Variants in PLA2G7 observed in about 807,000 individuals in gnomAD.
PLA2G7 encodes the protein phospholipase A2 group VII.
In PLA2G7, 63 loss-of-function variants were observed where a neutral mutation model predicts 49.6. That is an observed-to-expected ratio of 1.27 (90% CI 1.04 to 1.57). PLA2G7 has a LOEUF of 1.57. PLA2G7 is among the 40% of genes most tolerant of loss of function. The pLI is 0.00. For missense variants in PLA2G7, 596 were observed against 521.2 expected (o/e 1.14, Z -1.40); for synonymous variants, 193 against 169.9 (o/e 1.14, Z -1.06).
At position 46,711,544 on chromosome 6, in the gene PLA2G7, G is replaced by A. The variant is rs1158649115; in HGVS notation, c.615C>T (p.Tyr205=). 7 of 1,613,634 alleles carry A rather than the reference G, an allele frequency of 4.3e-6. No individual in the cohort carries two copies. Among genetic ancestry groups the A allele is most frequent in the Non-Finnish European group, 5.9e-6 (7 of 1,179,616 alleles). The change falls in exon 7 of 12, where the codon TAC becomes TAT. Residue 205 remains tyrosine (Y), a synonymous_variant. Transcript: ENST00000274793. The stretch of plus-strand genomic sequence containing the variant: ...CCTCCTCTTGTTTCAGGGTTCTAAG[G>A]TAGAGCCAAGACTTGTCCCCTATTT... The part of the protein sequence containing the change: ...AAEIGDKSWL[Y]LRTLKQEEET...
chr6:46,712,422 C>T (rs1765059475), intron 5 of PLA2G7, 85 bp from the exon 6 acceptor site: 2 of 948,610 alleles, frequency 2.1e-6, no homozygotes, highest in Non-Finnish European at 3.4e-6. Flanking sequence ...AACATGGAGG[C>T]CATTACACCC....
In PLA2G7 at chr6:46,711,575, G is replaced by A. The variant is rs779213468; in HGVS notation, c.584C>T (p.Ala195Val). Residue 195 changes from alanine to valine, a missense_variant, in exon 7 of 12, where the codon GCT becomes GTT. By Grantham distance (64) the Ala-to-Val change is moderately conservative (BLOSUM62 0). Transcript: ENST00000274793. ...SATYYFKDQS[A>V]AEIGDKSWLY... is the part of the protein sequence containing the mutation. ...CCAAGACTTGTCCCCTATTTCTGCAGCAGATTGGTCCTTGAAATAGTAAGT... is the reference window on the plus strand; with the variant it reads ...CCAAGACTTGTCCCCTATTTCTGCAACAGATTGGTCCTTGAAATAGTAAGT... 30 of 1,613,344 alleles carry A rather than the reference G, an allele frequency of 1.9e-5. No homozygotes were observed. In the Admixed American group the frequency reaches 4.2e-4, roughly 22 times the overall value.
At chr6:46,714,876 C>G (rs1311021516) in intron 4 of PLA2G7, among the ~76,000 whole-genome samples, 1 of 151,344 alleles carries the variant, frequency 6.6e-6, no homozygotes, top group Non-Finnish European at 1.5e-5. Flanking sequence ...GCTGAGATTA[C>G]AAGCATGCGC....
At position 46,722,765 on chromosome 6, in the gene PLA2G7, A is replaced by C; in HGVS notation, c.109+18T>G. 2 of 1,490,722 alleles carry C rather than the reference A, an allele frequency of 1.3e-6. No individual in the cohort carries two copies. The highest frequency in any genetic ancestry group is 1.9e-6 in the Non-Finnish European group (2 of 1,067,380). 92.3% of individuals were successfully genotyped at this position (1,490,722 alleles called of 1,614,324 possible). ...GACAGATCAGTTGCTCAAGACCTTGAACAAATACACCTCTTACCTGATGAT... is the reference window on the plus strand; with the variant it reads ...GACAGATCAGTTGCTCAAGACCTTGCACAAATACACCTCTTACCTGATGAT... On this transcript the variant is annotated intron_variant, in intron 2 of 11. Transcript: ENST00000274793.
At chr6:46,730,827 C>T (rs1391720083) in intron 1 of PLA2G7, among the ~76,000 whole-genome samples, 1 of 152,186 alleles carries the variant, frequency 6.6e-6, no homozygotes, top group Non-Finnish European at 1.5e-5. Context: ...GATACCCAAA[C>T]ACCCCCACTC....
At chr6:46,717,144 G>T (rs770658565) in intron 2 of PLA2G7, 48 bp from the exon 3 acceptor site, 2 of 1,544,704 alleles carry the variant, frequency 1.3e-6, no homozygotes, top group Admixed American at 1.7e-5. Context: ...TTACATATCA[G>T]ATTTTATTAT....
intron 7 of PLA2G7, among the ~76,000 whole-genome samples, chr6:46,710,959 A>G (rs1765000048): frequency 6.6e-6 from 1 of 152,190 alleles, no homozygotes; most frequent in African/African-American, 2.4e-5. Flanking sequence ...GGTGGACTCA[A>G]ACATAATAAC....
At chr6:46,714,829 G>A (rs45500302) in intron 4 of PLA2G7, among the ~76,000 whole-genome samples, 152 of 149,032 alleles carry the variant, frequency 1.0e-3, no homozygotes, top group African/African-American at 3.3e-3. Context: ...TCTGCCTCCC[G>A]GGTTCAAGCG....
intron 1 of PLA2G7, among the ~76,000 whole-genome samples, chr6:46,726,172 G>C (rs1765568541): frequency 6.6e-6 from 1 of 152,182 alleles, no homozygotes; most frequent in South Asian, 2.1e-4. Context: ...CCTACAATCA[G>C]ATTAGAGTCC....
chr6:46,716,675 T>G lies in PLA2G7; in HGVS notation c.232-147A>C, dbSNP rs1170267912. On this transcript the variant is annotated intron_variant, in intron 3 of 11. Coordinates refer to ENST00000274793, the MANE Select transcript of PLA2G7 (RefSeq NM_005084.4). ...GAACTTTTTAGGCTGCTGTGGTGAT[T>G]GAAGATAGTCATGAAAGAGAAACAG... 6 of 756,602 alleles carry G rather than the reference T, an allele frequency of 7.9e-6. No homozygotes were observed. The East Asian group carries it at 8.0e-5, about 10-fold the overall frequency. 46.9% of individuals were successfully genotyped at this position (756,602 alleles called of 1,614,324 possible).
chr6:46,711,137 T>G (rs1431876485), intron 7 of PLA2G7, among the ~76,000 whole-genome samples: 1 of 152,214 alleles, frequency 6.6e-6, no homozygotes, highest in Non-Finnish European at 1.5e-5. Context: ...CCCATACTCT[T>G]AATTCTATTG....
At chr6:46,706,537 C>A (rs538221374) in intron 10 of PLA2G7, among the ~76,000 whole-genome samples, 1 of 152,144 alleles carries the variant, frequency 6.6e-6, no homozygotes, top group Non-Finnish European at 1.5e-5. Context: ...ATGCAGAGAG[C>A]AAGGTTGAGA....
intron 1 of PLA2G7, among the ~76,000 whole-genome samples, chr6:46,723,476 G>A (rs968109052): frequency 1.3e-5 from 2 of 152,128 alleles, no homozygotes; most frequent in African/African-American, 2.4e-5. Flanking sequence ...TGTTGTCTCA[G>A]TGCCTAATAG....
chr6:46,724,846 T>C (rs757026138), intron 1 of PLA2G7, among the ~76,000 whole-genome samples: 1 of 152,238 alleles, frequency 6.6e-6, no homozygotes, highest in Non-Finnish European at 1.5e-5. Flanking sequence ...GAAGCTGTTA[T>C]TGCCTTAATG....
chr6:46,713,389 C>A (rs1242143239), intron 5 of PLA2G7, among the ~76,000 whole-genome samples: 1 of 152,138 alleles, frequency 6.6e-6, no homozygotes, highest in Non-Finnish European at 1.5e-5. Context: ...GTCTTTGTCA[C>A]CACTACTGAA....
intron 2 of PLA2G7, among the ~76,000 whole-genome samples, chr6:46,718,797 A>C (rs147764570): frequency 5.3e-5 from 8 of 152,278 alleles, no homozygotes; most frequent in Admixed American, 3.9e-4. Context: ...TATTAAACTT[A>C]TGTGTCTGCA....
Position 46,717,064 on chromosome 6 carries a change from C to A in PLA2G7, c.142G>T (p.Ala48Ser). The A allele has an allele frequency of 1.2e-6, 2 of 1,613,624 alleles. No homozygotes were observed. ...ATTTTAGTTTGGCCAAAGCTTGCAG[C>A]AGCCATCAGTACTTGTATTTTGTTG... ...WVNKIQVLMA[A>S]ASFGQTKIPR... The change falls in exon 3 of 12, where the codon GCT becomes TCT. Residue 48 changes from alanine (A) to serine (S), a missense_variant. Ala to Ser is a moderately conservative substitution (Grantham distance 99, BLOSUM62 1). Coordinates refer to ENST00000274793, the MANE Select transcript of PLA2G7 (RefSeq NM_005084.4).
At chr6:46,715,242 C>A (rs1765165936) in intron 4 of PLA2G7, among the ~76,000 whole-genome samples, 1 of 152,156 alleles carries the variant, frequency 6.6e-6, no homozygotes, top group Non-Finnish European at 1.5e-5. Context: ...GAGCCAGAAT[C>A]TAAGAAACAG....
rs770973583 is a variant in PLA2G7 at position 46,704,651 on chromosome 6, TCTC to T, written c.1232_1234del (p.Gly411del). The T allele has an allele frequency of 7.6e-6, 12 of 1,576,940 alleles. No individual in the cohort carries two copies. Among genetic ancestry groups the T allele is most frequent in the South Asian group, 1.1e-5 (1 of 90,430 alleles). On this transcript the variant is annotated inframe_deletion, in exon 12 of 12. Transcript: ENST00000274793. ...GGTCCCTGGAATAAGATTCTCATCATCTCCTTCAATCAAGCAGTCCCACTGATC... is the reference window on the plus strand; with the variant it reads ...GGTCCCTGGAATAAGATTCTCATCATCTTCAATCAAGCAGTCCCACTGATC...
Sources: allele counts gnomAD v4.1 joint callset (sites outside exome capture counted in the v4.1 genomes callset), GRCh38; gene constraint gnomAD v4.1.1; transcripts MANE v1.5; gene names NCBI Gene and HGNC (gene_info 2026-07-23, HGNC 2026-07-21).